The following TMCO4 variants were observed in gnomAD, a reference collection of about 807,000 sequenced individuals.
TMCO4 encodes transmembrane and coiled-coil domains 4.
TMCO4 carries 58 observed loss-of-function variants against 64.7 expected under a neutral mutation model. That is an observed-to-expected ratio of 0.90 (90% CI 0.73 to 1.12). The LOEUF (loss-of-function observed/expected upper bound fraction) is 1.12. Ranked by LOEUF, TMCO4 falls within the 50% of genes most tolerant of loss-of-function variation. TMCO4 has a pLI of 0.00. For missense variants in TMCO4, 780 were observed against 825.9 expected, an observed-to-expected ratio of 0.94 and a Z score of 0.68; for synonymous variants, 325 against 346.1, an observed-to-expected ratio of 0.94 and a Z score of 0.68.
intron 13 of TMCO4, among the ~76,000 whole-genome samples, chr1:19,726,557 A>G (rs1404566570): frequency 6.6e-6 from 1 of 152,148 alleles, no homozygotes; most frequent in Non-Finnish European, 1.5e-5. Flanking sequence ...TCACCTCTGT[A>G]AGCCTTAGTT....
chr1:19,792,406 A>G (rs1220779323), intron 2 of TMCO4, among the ~76,000 whole-genome samples: 1 of 152,246 alleles, frequency 6.6e-6, no homozygotes, highest in African/African-American at 2.4e-5. Context: ...ATCCGTCACC[A>G]AAGAAAATGC....
At chr1:19,750,463 G>T (rs893949179) in intron 7 of TMCO4, 3 of 152,200 alleles carry the variant, frequency 2.0e-5, no homozygotes, top group Non-Finnish European at 4.4e-5. Flanking sequence ...TTCTCGCTTA[G>T]GAAATGTAAC....
intron 15 of TMCO4, among the ~76,000 whole-genome samples, chr1:19,688,927 T>A (rs1462337994): frequency 6.6e-6 from 1 of 152,156 alleles, no homozygotes; most frequent in Non-Finnish European, 1.5e-5. Context: ...AGAAGCCTCA[T>A]GAGTTGGTCC....
At chr1:19,686,964 T>A (rs2095154255) in intron 15 of TMCO4, among the ~76,000 whole-genome samples, 1 of 152,138 alleles carries the variant, frequency 6.6e-6, no homozygotes, top group African/African-American at 2.4e-5. Context: ...AATTTTTTTT[T>A]TTTTTGAGAC....
chr1:19,730,918 A>C (rs941488492), intron 13 of TMCO4, among the ~76,000 whole-genome samples: 2 of 152,220 alleles, frequency 1.3e-5, no homozygotes, highest in Non-Finnish European at 2.9e-5. Flanking sequence ...TTCCTCTTTT[A>C]CATCCCTTAA....
chr1:19,756,674 G>T (rs1305276181), intron 6 of TMCO4, among the ~76,000 whole-genome samples: 2 of 152,180 alleles, frequency 1.3e-5, no homozygotes, highest in East Asian at 1.9e-4. Flanking sequence ...TCAAAAATAA[G>T]TTCTTACCCA....
Position 19,732,791 on chromosome 1 carries a change from G to A in TMCO4, c.1264+4581C>T, listed in dbSNP as rs1050730992. Among the ~76,000 whole-genome samples, 4 of 152,112 alleles carry A rather than the reference G, an allele frequency of 2.6e-5. No homozygotes were observed. The highest frequency in any genetic ancestry group is 6.5e-5 in the Admixed American group (1 of 15,280). On this transcript the variant is annotated intron_variant, in intron 13 of 15. Transcript: ENST00000294543. The surrounding 1 kb of genome is among the most constrained non-coding windows in gnomAD (Gnocchi z 4.8). ...TTCTTTTTTCTGAAGGTGACTACAG[G>A]GGGAAAATGCCAGCTGCACTTTTGT...
chr1:19,766,666 G>C (rs1279205852), intron 6 of TMCO4, among the ~76,000 whole-genome samples: 1 of 152,222 alleles, frequency 6.6e-6, no homozygotes, highest in Non-Finnish European at 1.5e-5. Flanking sequence ...CTACAAGGTA[G>C]AGACTACTGT....
intron 13 of TMCO4, among the ~76,000 whole-genome samples, chr1:19,709,765 C>G (rs941318840): frequency 2.0e-5 from 3 of 149,652 alleles, no homozygotes; most frequent in Admixed American, 1.3e-4. Flanking sequence ...AAAAAAAGCT[C>G]TGGAATTCTA....
intron 12 of TMCO4, among the ~76,000 whole-genome samples, chr1:19,737,868 G>A (rs1172602525): frequency 6.6e-6 from 1 of 152,366 alleles, no homozygotes; most frequent in Admixed American, 6.5e-5. Flanking sequence ...TAGACAGAAG[G>A]CACCCCCAGG....
Position 19,773,946 on chromosome 1 carries a change from C to T in TMCO4, c.180-2464G>A, listed in dbSNP as rs558888939. ...TTCCCCTGGAAATTGGCTTTGTGTCCTCACTTTACCTCTCAGCTTCATTTC... is the reference window on the plus strand; with the variant it reads ...TTCCCCTGGAAATTGGCTTTGTGTCTTCACTTTACCTCTCAGCTTCATTTC... On this transcript the variant is annotated intron_variant, in intron 4 of 15. Transcript: ENST00000294543. 2.0e-5 allele frequency among the ~76,000 whole-genome samples: 3 copies of T among 152,244 alleles called. No individual in the cohort carries two copies. In the East Asian group the frequency reaches 5.8e-4, roughly 29 times the overall value.
chr1:19,765,025 G>C (rs1199923440), intron 6 of TMCO4, among the ~76,000 whole-genome samples: 4 of 152,062 alleles, frequency 2.6e-5, no homozygotes, highest in Admixed American at 2.0e-4. Flanking sequence ...CTGCGGTAGA[G>C]AGTGCCGTGG....
At chr1:19,781,641 CTTTTT>C (rs1202912744) in intron 3 of TMCO4, among the ~76,000 whole-genome samples, 1 of 134,400 alleles carries the variant, frequency 7.4e-6, no homozygotes, top group African/African-American at 2.7e-5. Flanking sequence ...ACAGAACTTT[CTTTTT>C]TTTTTTTTTT....
intron 6 of TMCO4, among the ~76,000 whole-genome samples, chr1:19,762,875 T>C (rs181778002): frequency 8.9e-4 from 136 of 152,276 alleles, no homozygotes; most frequent in African/African-American, 3.2e-3. Flanking sequence ...GAAGAGATCA[T>C]GGTCAATCCC....
At chr1:19,770,509 C>G (rs1375199469) in intron 6 of TMCO4, 33 bp downstream of exon 6, 1 of 1,613,388 alleles carries the variant, frequency 6.2e-7, no homozygotes, top group Admixed American at 1.7e-5. Flanking sequence ...AGATGGGTAC[C>G]CACCATTTAC....
intron 13 of TMCO4, among the ~76,000 whole-genome samples, chr1:19,707,481 G>C (rs187268695): frequency 6.6e-6 from 1 of 152,280 alleles, no homozygotes; most frequent in East Asian, 1.9e-4. Context: ...AAATTATCCC[G>C]GGGTGGTGGC....
intron 11 of TMCO4, among the ~76,000 whole-genome samples, chr1:19,740,404 A>G (rs921384804): frequency 6.6e-6 from 1 of 152,174 alleles, no homozygotes; most frequent in African/African-American, 2.4e-5. Context: ...TGAGAGACAA[A>G]TGGAGCAGAG....
chr1:19,758,725 T>C (rs1267748638), intron 6 of TMCO4, among the ~76,000 whole-genome samples: 1 of 152,172 alleles, frequency 6.6e-6, no homozygotes, highest in Non-Finnish European at 1.5e-5. Flanking sequence ...ACCCAGGATA[T>C]TGGCATTCTC....
chr1:19,781,854 G>A (rs1012444276), intron 3 of TMCO4, among the ~76,000 whole-genome samples: 1 of 152,104 alleles, frequency 6.6e-6, no homozygotes, highest in Non-Finnish European at 1.5e-5. Context: ...CACTGTGTTA[G>A]CCAGGATGGT....
Sources: allele counts gnomAD v4.1 joint callset (sites outside exome capture counted in the v4.1 genomes callset), GRCh38; gene constraint gnomAD v4.1.1; non-coding constraint Gnocchi (gnomAD v3.1); transcripts MANE v1.5; gene names NCBI Gene and HGNC (gene_info 2026-07-23, HGNC 2026-07-21).